The following RFX8 variants were observed in gnomAD, a reference collection of about 807,000 sequenced individuals.
The protein encoded by RFX8 is DNA-binding protein RFX8.
A neutral mutation model predicts 54.6 loss-of-function variants in RFX8; 46 were observed. The observed-to-expected ratio is 0.84, with a 90% CI of 0.67 to 1.08. The LOEUF is 1.08. Among genes scored for constraint, RFX8 ranks in the 50% least tolerant of loss-of-function variants. The pLI, the probability that RFX8 is intolerant of heterozygous loss-of-function variation, is 0.00. For missense variants in RFX8, 536 were observed against 562.3 expected, an observed-to-expected ratio of 0.95 and a Z score of 0.47; for synonymous variants, 192 against 209.5, an observed-to-expected ratio of 0.92 and a Z score of 0.72.
intron 2 of RFX8, chr2:101,428,925 G>C: frequency 7.3e-7 from 1 of 1,372,886 alleles, no homozygotes; most frequent in Non-Finnish European, 1.0e-6. Flanking sequence ...GTCTGGGTCT[G>C]TTATAGTAAA....
rs538077596 is a variant in RFX8, at chr2:101,414,361, A to G, written c.561+493T>C. Among the ~76,000 whole-genome samples the G allele has an allele frequency of 7.9e-5, 12 of 151,972 alleles. No homozygotes were observed. In the East Asian group the frequency reaches 1.9e-3, roughly 25 times the overall value. On this transcript the variant is annotated intron_variant, in intron 7 of 11. Transcript: ENST00000428343. ...TAGCTCACTGCAACTTCCACTTCCC[A>G]GGTTCAAGAGATTCTCCTGCCTGTC...
At chr2:101,425,755 T>G (rs1687136121) in intron 2 of RFX8, among the ~76,000 whole-genome samples, 5 of 152,170 alleles carry the variant, frequency 3.3e-5, no homozygotes, top group Admixed American at 3.3e-4. Context: ...TGGAAATATT[T>G]CCTTTACAAC....
chr2:101,462,494 T>C (rs1017257722), intron 2 of RFX8, among the ~76,000 whole-genome samples: 1 of 152,194 alleles, frequency 6.6e-6, no homozygotes, highest in Non-Finnish European at 1.5e-5. Context: ...ACAGCTATTA[T>C]ACAAGATGCA....
At chr2:101,402,264 T>C (rs897210312) in intron 11 of RFX8, among the ~76,000 whole-genome samples, 172 bp downstream of exon 11, 1 of 152,256 alleles carries the variant, frequency 6.6e-6, no homozygotes, top group Non-Finnish European at 1.5e-5. Flanking sequence ...AGCTGACCAG[T>C]AATCAACAGA....
intron 2 of RFX8, among the ~76,000 whole-genome samples, chr2:101,437,798 A>C (rs1687862932): frequency 8.8e-5 from 1 of 11,322 alleles, no homozygotes; most frequent in Non-Finnish European, 5.4e-4. Flanking sequence ...AAATTCCCCA[A>C]GTTTTACTTA....
intron 1 of RFX8, among the ~76,000 whole-genome samples, chr2:101,468,971 T>C (rs1264505936): frequency 7.2e-6 from 1 of 139,806 alleles, no homozygotes; most frequent in Admixed American, 7.6e-5. Context: ...CATATATATA[T>C]ATGTAAGTAT....
At chr2:101,436,650 T>C (rs116541068) in intron 2 of RFX8, among the ~76,000 whole-genome samples, 2,621 of 152,192 alleles carry the variant, frequency 0.017, 27 homozygotes, top group Middle Eastern at 0.037. Context: ...ACCAACATAC[T>C]CATCATAGGT....
At chr2:101,422,735 A>G (rs1373964728) in intron 2 of RFX8, among the ~76,000 whole-genome samples, 2 of 152,218 alleles carry the variant, frequency 1.3e-5, no homozygotes, top group Admixed American at 1.3e-4. Context: ...TCTTGGGATC[A>G]TCTATTTACA....
At chr2:101,452,475 C>T (rs951615856) in intron 2 of RFX8, 1 of 1,227,992 alleles carries the variant, frequency 8.1e-7, no homozygotes, top group Admixed American at 3.9e-5. Context: ...TTTAAAGTTG[C>T]AACTTGAAAA....
At chr2:101,412,685 AGCACTGCT>A (rs1391448708) in intron 8 of RFX8, among the ~76,000 whole-genome samples, 1 of 152,236 alleles carries the variant, frequency 6.6e-6, no homozygotes, top group Admixed American at 6.5e-5. Flanking sequence ...AACAGGTATC[AGCACTGCT>A]GCCCTGTCTG....
chr2:101,410,567 T>G, intron 9 of RFX8, 52 bp downstream of exon 9: 1 of 949,282 alleles, frequency 1.1e-6, no homozygotes, highest in Non-Finnish European at 1.6e-6. Context: ...GGGCACTCAT[T>G]TATCTAGAAT....
At chr2:101,474,389 C>CGCGCGGGGG (rs1208575287) in intron 1 of RFX8, 4 of 386,026 alleles carry the variant, frequency 1.0e-5, no homozygotes, top group Admixed American at 4.6e-5. Context: ...TAGAAAGGAG[C>CGCGCGGGGG]GCGCGGGGGG....
chr2:101,438,078 T>G (rs575667922), intron 2 of RFX8, among the ~76,000 whole-genome samples: 62 of 152,278 alleles, frequency 4.1e-4, no homozygotes, highest in Non-Finnish European at 8.1e-4. Context: ...ACATAGTAGG[T>G]GTATATATTT....
chr2:101,449,435 T>C (rs375947407), intron 2 of RFX8, among the ~76,000 whole-genome samples: 1 of 152,170 alleles, frequency 6.6e-6, no homozygotes, highest in African/African-American at 2.4e-5. Context: ...GAGATATGGG[T>C]TACCAAAAAG....
chr2:101,468,105 C>T (rs1689680532), intron 1 of RFX8, among the ~76,000 whole-genome samples: 1 of 152,116 alleles, frequency 6.6e-6, no homozygotes, highest in Non-Finnish European at 1.5e-5. Flanking sequence ...TTGTTAACCC[C>T]ACCGGCTTCC....
At chr2:101,425,816 G>A (rs1389680240) in intron 2 of RFX8, among the ~76,000 whole-genome samples, 2 of 152,168 alleles carry the variant, frequency 1.3e-5, no homozygotes, top group African/African-American at 4.8e-5. Context: ...CCACTAACGT[G>A]TGGACCCTGC....
At chr2:101,443,461 C>A (rs976491080) in intron 2 of RFX8, among the ~76,000 whole-genome samples, 3 of 152,122 alleles carry the variant, frequency 2.0e-5, no homozygotes, top group Non-Finnish European at 2.9e-5. Flanking sequence ...GGTTTGTTTT[C>A]AAAAAGTATC....
chr2:101,474,042 C>T (rs1030036098), intron 1 of RFX8, among the ~76,000 whole-genome samples: 5 of 152,208 alleles, frequency 3.3e-5, no homozygotes, highest in African/African-American at 1.2e-4. Context: ...GCAGGTCCCT[C>T]CGCGCTGCGG....
intron 8 of RFX8, among the ~76,000 whole-genome samples, chr2:101,411,603 C>A (rs1313121100): frequency 1.3e-5 from 2 of 152,112 alleles, no homozygotes; most frequent in Non-Finnish European, 2.9e-5. Flanking sequence ...TTTTGGGTTC[C>A]TACTAGTCAG....
Sources: allele counts gnomAD v4.1 joint callset (sites outside exome capture counted in the v4.1 genomes callset), GRCh38; gene constraint gnomAD v4.1.1; transcripts MANE v1.5; gene names NCBI Gene and HGNC (gene_info 2026-07-23, HGNC 2026-07-21).